The following CYB5R4 variants were observed in gnomAD, a reference collection of about 807,000 sequenced individuals.
CYB5R4 encodes the protein N-terminal cytochrome b5 and cytochrome b5 oxidoreductase domain-containing protein.
A neutral mutation model predicts 70.2 loss-of-function variants in CYB5R4; 55 were observed. The observed-to-expected ratio is 0.78, with a 90% CI of 0.63 to 0.98. The LOEUF (loss-of-function observed/expected upper bound fraction) is 0.98. CYB5R4 is among the 50% of genes least tolerant of loss of function. The pLI is 0.00. For missense variants in CYB5R4, 562 were observed against 612.6 expected, an observed-to-expected ratio of 0.92 and a Z score of 0.87; for synonymous variants, 197 against 199.5, an observed-to-expected ratio of 0.99 and a Z score of 0.11.
At chr6:83,889,091 G>T (rs1769021451) in intron 2 of CYB5R4, among the ~76,000 whole-genome samples, 1 of 152,194 alleles carries the variant, frequency 6.6e-6, no homozygotes, top group African/African-American at 2.4e-5. Flanking sequence ...ACTAGCAAAG[G>T]TTGGTTCATG....
At chr6:83,887,818 T>C (rs2099460494) in intron 2 of CYB5R4, among the ~76,000 whole-genome samples, 1 of 151,974 alleles carries the variant, frequency 6.6e-6, no homozygotes, top group Admixed American at 6.6e-5. Context: ...GATGGATGGA[T>C]GGGTAGATGG....
rs977659260 is a variant in CYB5R4, at chr6:83,967,053, G to A, written c.*7175G>A. The A allele has an allele frequency of 2.0e-5, 3 of 152,190 alleles. No individual in the cohort carries two copies. The highest frequency in any genetic ancestry group is 4.4e-5 in the Non-Finnish European group (3 of 68,028). The allele number at this position is 152,190 out of a possible 1,614,324, so 9.4% of individuals were successfully genotyped here. A position where few individuals can be genotyped will look rare whatever the true frequency, so the allele number is the denominator to read the frequency against. On this transcript the variant is annotated 3_prime_UTR_variant, in exon 16 of 16. Transcript: ENST00000369681. ...CAGCATTGCCTTATGCTTTAAGAAA[G>A]TGTTGTACCACATTTGATATCCTGA...
At chr6:83,918,123 C>T (rs1250037094) in intron 6 of CYB5R4, 58 bp downstream of exon 6, 5 of 1,299,024 alleles carry the variant, frequency 3.8e-6, no homozygotes, top group East Asian at 2.3e-5. Context: ...AAAATGTACA[C>T]ATTTAAAAAA....
chr6:83,930,754 T>C (rs2099468016), intron 10 of CYB5R4, among the ~76,000 whole-genome samples: 1 of 151,928 alleles, frequency 6.6e-6, no homozygotes, highest in South Asian at 2.1e-4. Context: ...ACTTCTATAT[T>C]TGAAGCCCGC....
At chr6:83,920,449 C>T (rs1431530579) in intron 7 of CYB5R4, among the ~76,000 whole-genome samples, 1 of 151,962 alleles carries the variant, frequency 6.6e-6, no homozygotes, top group Non-Finnish European at 1.5e-5. Flanking sequence ...AGCACAGGCT[C>T]TAGGGAGGTC....
intron 3 of CYB5R4, among the ~76,000 whole-genome samples, chr6:83,906,383 ACTGTAG>A (rs888014634): frequency 6.6e-6 from 1 of 152,104 alleles, no homozygotes; most frequent in Non-Finnish European, 1.5e-5. Flanking sequence ...ATGATCGTTT[ACTGTAG>A]CTGCTTAGGT....
At chr6:83,934,537 T>C in intron 10 of CYB5R4, 58 bp from the exon 11 acceptor site, 1 of 1,309,226 alleles carries the variant, frequency 7.6e-7, no homozygotes, top group Non-Finnish European at 1.1e-6. Flanking sequence ...CTCTTAGTGG[T>C]TTAGTATTAC....
At chr6:83,886,462 A>G (rs1052431771) in intron 2 of CYB5R4, among the ~76,000 whole-genome samples, 2 of 152,258 alleles carry the variant, frequency 1.3e-5, no homozygotes, top group Non-Finnish European at 2.9e-5. Context: ...AAAAGAAAAA[A>G]TACTGATACA....
At chr6:83,872,905 T>A (rs1588559610) in intron 2 of CYB5R4, among the ~76,000 whole-genome samples, 1 of 152,212 alleles carries the variant, frequency 6.6e-6, no homozygotes, top group African/African-American at 2.4e-5. Flanking sequence ...AGTGATACTG[T>A]TGCTAGAAGG....
chr6:83,912,831 G>T (rs1320459505), intron 4 of CYB5R4, among the ~76,000 whole-genome samples: 1 of 152,178 alleles, frequency 6.6e-6, no homozygotes, highest in East Asian at 1.9e-4. Flanking sequence ...AGGTAACCCA[G>T]ATTCTTTAAG....
intron 10 of CYB5R4, among the ~76,000 whole-genome samples, chr6:83,932,478 C>G (rs927801305): frequency 6.6e-6 from 1 of 152,136 alleles, no homozygotes; most frequent in Non-Finnish European, 1.5e-5. Flanking sequence ...AGATGATATG[C>G]ACTAGATTTT....
At chr6:83,958,283 G>C (rs61756922) in intron 15 of CYB5R4, among the ~76,000 whole-genome samples, 9 of 152,136 alleles carry the variant, frequency 5.9e-5, no homozygotes, top group African/African-American at 2.2e-4. Flanking sequence ...ACACTATCTA[G>C]TGGTAGAAAC....
chr6:83,901,188 G>T (rs547150847), intron 3 of CYB5R4, among the ~76,000 whole-genome samples: 1 of 152,262 alleles, frequency 6.6e-6, no homozygotes, highest in South Asian at 2.1e-4. Flanking sequence ...GCATTTGCTT[G>T]TCTGTAAAGA....
chr6:83,883,533 C>T (rs183828181), intron 2 of CYB5R4, among the ~76,000 whole-genome samples: 2 of 152,184 alleles, frequency 1.3e-5, no homozygotes, highest in African/African-American at 4.8e-5. Context: ...CACCATCAAC[C>T]CTGAATTCTA....
At chr6:83,866,654 C>G (rs2099456753) in intron 2 of CYB5R4, among the ~76,000 whole-genome samples, 1 of 151,600 alleles carries the variant, frequency 6.6e-6, no homozygotes, top group Non-Finnish European at 1.5e-5. Flanking sequence ...CTCGCTTTGT[C>G]CCCTAGGCTG....
rs1299653485 is a variant in CYB5R4 at position 83,924,476 on chromosome 6, T to A, written c.698T>A (p.Val233Asp). The change falls in exon 10 of 16, where the codon GTT becomes GAT. Residue 233 changes from valine (V) to aspartate (D), a missense_variant. Val to Asp is a radical substitution (Grantham distance 152). Coordinates refer to ENST00000369681, the MANE Select transcript of CYB5R4 (RefSeq NM_016230.4). ...GAATTTATCTTCTTTTCAGTGCGGG[T>A]TGTTGAGAGTGTGGGAAAAATAGAG... The part of the protein sequence containing the change: ...HEVQEDFSVR[V>D]VESVGKIEIV... 1 of 1,613,414 alleles carries A rather than the reference T, an allele frequency of 6.2e-7. No individual in the cohort carries two copies. Among genetic ancestry groups the A allele is most frequent in the Admixed American group, 1.7e-5 (1 of 59,946 alleles).
At chr6:83,899,181 T>C (rs1306094358) in intron 3 of CYB5R4, among the ~76,000 whole-genome samples, 1 of 152,240 alleles carries the variant, frequency 6.6e-6, no homozygotes, top group Admixed American at 6.5e-5. Flanking sequence ...TGAAGCATTG[T>C]TGAATTTTGT....
intron 12 of CYB5R4, among the ~76,000 whole-genome samples, chr6:83,936,699 C>G (rs2099468967): frequency 6.6e-6 from 1 of 152,194 alleles, no homozygotes; most frequent in Non-Finnish European, 1.5e-5. Context: ...TCTTCTGCCA[C>G]TGTCTTACAG....
chr6:83,892,602 A>C (rs2099461273), intron 2 of CYB5R4, among the ~76,000 whole-genome samples: 1 of 152,202 alleles, frequency 6.6e-6, no homozygotes, highest in South Asian at 2.1e-4. Flanking sequence ...AAAATAAATA[A>C]CAGTTGAATA....
Sources: gnomAD v4.1 joint callset for allele counts (sites outside exome capture counted in the v4.1 genomes callset) on GRCh38, gnomAD v4.1.1 for gene constraint, MANE v1.5 for transcripts, NCBI Gene and HGNC (gene_info 2026-07-23, HGNC 2026-07-21) for gene names.